The following TICRR variants were observed in gnomAD, a reference collection of about 807,000 sequenced individuals.
The protein encoded by TICRR is treslin.
Under a neutral mutation model 178.1 loss-of-function variants are expected in TICRR, and 132 were observed. The observed-to-expected ratio is 0.74, with a 90% CI of 0.64 to 0.86. The LOEUF (loss-of-function observed/expected upper bound fraction) is 0.86, where lower values mean the gene tolerates loss of function less well. Among genes scored for constraint, TICRR ranks in the 40% least tolerant of loss-of-function variants. TICRR has a pLI of 0.00. For missense variants in TICRR, 2,587 were observed against 2,334.3 expected (o/e 1.11, Z -2.23); for synonymous variants, 991 against 900.7 (o/e 1.10, Z -1.79).
At position 89,624,206 on chromosome 15, in the gene TICRR, CTG is replaced by C. The variant is rs1357025949; in HGVS notation, c.3899_3900del (p.Val1300AspfsTer18). The C allele has an allele frequency of 6.2e-7, 1 of 1,614,080 alleles. No individual in the cohort carries two copies. Among genetic ancestry groups the C allele is most frequent in the African/African-American group, 1.3e-5 (1 of 74,930 alleles). ...ACTCCAAAAAGACCAGGGAATTCAA[CTG>C]TGACTTCTTCCCCACCTGTTACGCC... On this transcript the variant is annotated frameshift_variant, in exon 20 of 22. Transcript: ENST00000268138. LOFTEE classifies it high-confidence loss of function.
chr15:89,592,020 C>G, intron 4 of TICRR, 27 bp from the exon 5 acceptor site: 1 of 1,591,406 alleles, frequency 6.3e-7, no homozygotes, highest in Non-Finnish European at 8.6e-7. Flanking sequence ...TGTTTCCTCT[C>G]CTGCCGCTGC....
intron 14 of TICRR, among the ~76,000 whole-genome samples, chr15:89,607,827 T>G (rs1567047463): frequency 6.6e-6 from 1 of 152,178 alleles, no homozygotes; most frequent in Non-Finnish European, 1.5e-5. Flanking sequence ...ATTAAGGTAT[T>G]GTCTTGCTGG....
chr15:89,601,801 C>G lies in TICRR; in HGVS notation c.2392C>G (p.Gln798Glu), dbSNP rs752762474. The G allele has an allele frequency of 3.1e-6, 5 of 1,614,048 alleles. No homozygotes were observed. Among genetic ancestry groups the G allele is most frequent in the Middle Eastern group, 1.6e-4 (1 of 6,084 alleles). ...LYNSLGFVIP[Q>E]KLAGVLPTDF... ...CAACAGCCTAGGGTTTGTGATTCCT[C>G]AGAAGCTGGCTGGTGTCCTTCCTAC... The change falls in exon 12 of 22, where the codon CAG becomes GAG. Residue 798 changes from glutamine (Q) to glutamate (E), a missense_variant. Gln to Glu is a conservative substitution (Grantham distance 29, BLOSUM62 2). Transcript: ENST00000268138.
intron 3 of TICRR, 101 bp from the exon 4 acceptor site, chr15:89,585,607 A>G: frequency 1.2e-6 from 1 of 819,324 alleles, no homozygotes; most frequent in East Asian, 2.7e-5. Context: ...TTTCACGTTA[A>G]TAATAATTGG....
chr15:89,584,891 A>G (rs944020302), intron 3 of TICRR, among the ~76,000 whole-genome samples: 1 of 152,220 alleles, frequency 6.6e-6, no homozygotes, highest in Non-Finnish European at 1.5e-5. Flanking sequence ...GCTGCTACAC[A>G]GTAAAATTAG....
rs190154578 is a variant in TICRR, at chr15:89,604,632, A to G, written c.2664+1740A>G. Among the ~76,000 whole-genome samples, 708 of 152,096 alleles carry G rather than the reference A, an allele frequency of 4.7e-3. 10 individuals carry two copies. The highest frequency in any genetic ancestry group is 0.016 in the African/African-American group (676 of 41,502). Reference sequence around the variant, plus strand: ...TCTACAAAAAATTTAAAAATTAGGTATGGTGGTGCACTCCTGTAGTCCCAG... The same window carrying G: ...TCTACAAAAAATTTAAAAATTAGGTGTGGTGGTGCACTCCTGTAGTCCCAG... On this transcript the variant is annotated intron_variant, in intron 13 of 21. Coordinates refer to ENST00000268138, the MANE Select transcript of TICRR (RefSeq NM_152259.4).
At chr15:89,588,729 T>G (rs1044668593) in intron 4 of TICRR, among the ~76,000 whole-genome samples, 1 of 151,902 alleles carries the variant, frequency 6.6e-6, no homozygotes, top group Admixed American at 6.6e-5. Context: ...GTTGGTAGCA[T>G]CAAATGTGTG....
At position 89,627,104 on chromosome 15, in the gene TICRR, C is replaced by T. The variant is rs750396051; in HGVS notation, c.*18C>T. 55 of 1,613,352 alleles carry T rather than the reference C, an allele frequency of 3.4e-5. No homozygotes were observed. Among genetic ancestry groups the T allele is most frequent in the Non-Finnish European group, 4.3e-5 (51 of 1,179,976 alleles). ...ACTTATAGCCACAAACATTACTGAG[C>T]CCAAAAGATCAAGGAGTCAGCCAGG... On this transcript the variant is annotated 3_prime_UTR_variant, in exon 22 of 22. Coordinates refer to ENST00000268138, the MANE Select transcript of TICRR (RefSeq NM_152259.4).
intron 4 of TICRR, among the ~76,000 whole-genome samples, chr15:89,589,154 A>G (rs767717566): frequency 5.9e-5 from 9 of 152,114 alleles, no homozygotes; most frequent in Non-Finnish European, 1.0e-4. Flanking sequence ...TGGTGCCAGG[A>G]TGGGAGACGG....
intron 7 of TICRR, among the ~76,000 whole-genome samples, chr15:89,597,473 C>T (rs1488564689): frequency 6.7e-6 from 1 of 149,802 alleles, no homozygotes; most frequent in African/African-American, 2.5e-5. Flanking sequence ...TGCAGTGAGC[C>T]GAGATTGCGC....
At chr15:89,609,193 C>T (rs1477354059) in intron 15 of TICRR, among the ~76,000 whole-genome samples, 2 of 144,722 alleles carry the variant, frequency 1.4e-5, no homozygotes, top group Non-Finnish European at 3.0e-5. Flanking sequence ...TCACTGCAGC[C>T]TCCACCTCCC....
intron 1 of TICRR, among the ~76,000 whole-genome samples, chr15:89,576,651 A>G (rs902411953): frequency 6.6e-6 from 1 of 151,778 alleles, no homozygotes; most frequent in Non-Finnish European, 1.5e-5. Context: ...CCCAGTGACA[A>G]CTGCTCAGTC....
chr15:89,597,191 T>C (rs1206394726), intron 7 of TICRR, among the ~76,000 whole-genome samples: 3 of 152,158 alleles, frequency 2.0e-5, no homozygotes, highest in African/African-American at 7.2e-5. Context: ...GATGATTGTA[T>C]TAGTCTTCCA....
intron 10 of TICRR, 38 bp from the exon 11 acceptor site, chr15:89,601,451 A>G: frequency 6.2e-7 from 1 of 1,613,204 alleles, no homozygotes; most frequent in Non-Finnish European, 8.5e-7. Flanking sequence ...TTCCCTGCAG[A>G]GGGCATCTAT....
chr15:89,615,901 T>C (rs1274394717), intron 15 of TICRR, among the ~76,000 whole-genome samples: 2 of 152,036 alleles, frequency 1.3e-5, no homozygotes, highest in East Asian at 3.9e-4. Context: ...TTTTTTTTTT[T>C]TGAGATGGAG....
chr15:89,583,614 G>C (rs903575907), intron 2 of TICRR, among the ~76,000 whole-genome samples: 9 of 152,062 alleles, frequency 5.9e-5, no homozygotes, highest in African/African-American at 2.4e-5. Context: ...ATGATGCACT[G>C]TACTTTATGG....
chr15:89,623,338 G>A (rs986907326), intron 19 of TICRR, among the ~76,000 whole-genome samples: 2 of 152,236 alleles, frequency 1.3e-5, no homozygotes, highest in African/African-American at 4.8e-5. Flanking sequence ...GTGGTAGAAT[G>A]ATTCCATTAG....
At chr15:89,626,395 G>A (rs1374804939) in intron 21 of TICRR, among the ~76,000 whole-genome samples, 5 of 152,234 alleles carry the variant, frequency 3.3e-5, no homozygotes, top group African/African-American at 1.2e-4. Context: ...GGCCTGTTTA[G>A]AGCTAGTTCC....
chr15:89,576,336 T>A (rs1042426665), intron 1 of TICRR, 96 bp downstream of exon 1: 3 of 1,170,724 alleles, frequency 2.6e-6, no homozygotes, highest in Non-Finnish European at 3.5e-6. Flanking sequence ...AGACCCCGAA[T>A]GAGACTAATA....
Sources: gnomAD v4.1 joint callset for allele counts (sites outside exome capture counted in the v4.1 genomes callset) on GRCh38, gnomAD v4.1.1 for gene constraint, MANE v1.5 for transcripts, NCBI Gene and HGNC (gene_info 2026-07-23, HGNC 2026-07-21) for gene names.